Variants in NATD1 observed in about 807,000 individuals in gnomAD.
NATD1 encodes protein NATD1.
In NATD1, 9 loss-of-function variants were observed where a neutral mutation model predicts 12.0. The observed-to-expected ratio is 0.75, with a 90% CI of 0.45 to 1.30. The LOEUF (loss-of-function observed/expected upper bound fraction) is 1.30. Ranked by LOEUF, NATD1 falls within the 50% of genes most tolerant of loss-of-function variation. NATD1 has a pLI of 0.00. For synonymous variants in NATD1, 71 were observed against 65.9 expected, an observed-to-expected ratio of 1.08 and a Z score of -0.37; for missense variants, 148 against 148.5, an observed-to-expected ratio of 1.00 and a Z score of 0.02.
chr17:21,253,384 G>A lies in NATD1; in HGVS notation c.-120C>T, dbSNP rs1975398691. The A allele has an allele frequency of 1.4e-5, 3 of 209,288 alleles. No homozygotes were observed. 13.0% of individuals were successfully genotyped at this position (209,288 alleles called of 1,614,324 possible). ...AGGCGGTGGGGTAGTTACGGCCTGG[G>A]AGACCGCAGGCGGCGGCGCTGAAAG... is the stretch of plus-strand genomic sequence containing the variant. On this transcript the variant is annotated 5_prime_UTR_variant, in exon 1 of 3. Transcript: ENST00000611551.
rs1975247294 is a variant in NATD1, at chr17:21,239,633, T to C, written c.*3680A>G. The C allele has an allele frequency of 6.6e-6, 1 of 152,152 alleles. No homozygotes were observed. Among genetic ancestry groups the C allele is most frequent in the African/African-American group, 2.4e-5 (1 of 41,438 alleles). The allele number at this position is 152,152 out of a possible 1,614,324, so 9.4% of individuals were successfully genotyped here. On this transcript the variant is annotated 3_prime_UTR_variant, in exon 3 of 3. Transcript: ENST00000611551. ...GGTGAAACCCCGTCTCTACTAAAAATACAAAAATTAGCCAGGCATGGTGGT... is the reference window on the plus strand; with the variant it reads ...GGTGAAACCCCGTCTCTACTAAAAACACAAAAATTAGCCAGGCATGGTGGT...
chr17:21,249,402 G>A (rs1481094345), intron 1 of NATD1, among the ~76,000 whole-genome samples: 1 of 152,144 alleles, frequency 6.6e-6, no homozygotes, highest in Non-Finnish European at 1.5e-5. Flanking sequence ...AGGGAGCTGT[G>A]AGCCTGGAGA....
rs117666237 is a variant in NATD1 at position 21,240,566 on chromosome 17, C to T, written c.*2747G>A. On this transcript the variant is annotated 3_prime_UTR_variant, in exon 3 of 3. Coordinates refer to ENST00000611551, the MANE Select transcript of NATD1 (RefSeq NM_152914.3). Reference sequence around the variant, plus strand: ...GCCAGCTGGGTCCACACCCTGCCGCCGGCCCTGAGGAGGGAAGGCACGAGT... The same window carrying T: ...GCCAGCTGGGTCCACACCCTGCCGCTGGCCCTGAGGAGGGAAGGCACGAGT... The T allele has an allele frequency of 3.5e-3, 532 of 152,706 alleles. 2 individuals carry two copies. Among genetic ancestry groups the T allele is most frequent in the Middle Eastern group, 0.01 (3 of 294 alleles). The allele number at this position is 152,706 out of a possible 1,614,324, so 9.5% of individuals were successfully genotyped here.
rs189954621 is a variant in NATD1, at chr17:21,238,996, G to C, written c.*4317C>G. On this transcript the variant is annotated 3_prime_UTR_variant, in exon 3 of 3. Transcript: ENST00000611551. ...ACAAGTTGAAGTCACAGCCTTGCCG[G>C]AACTCTTATGTAAAGTTTAGGGCAT... 1.3e-5 allele frequency: 2 copies of C among 152,314 alleles called. No homozygotes were observed. Among genetic ancestry groups the C allele is most frequent in the African/African-American group, 4.8e-5 (2 of 41,554 alleles). 9.4% of individuals were successfully genotyped at this position (152,314 alleles called of 1,614,324 possible).
At chr17:21,248,967 T>C (rs1332351752) in intron 1 of NATD1, among the ~76,000 whole-genome samples, 1 of 152,000 alleles carries the variant, frequency 6.6e-6, no homozygotes, top group Non-Finnish European at 1.5e-5. Context: ...TGGGAAAAGT[T>C]AAAGCTACAC....
Position 21,244,237 on chromosome 17 carries a change from G to A in NATD1, c.107-13C>T, listed in dbSNP as rs1975306193. 1.2e-6 allele frequency: 2 copies of A among 1,608,480 alleles called. No individual in the cohort carries two copies. The highest frequency in any genetic ancestry group is 8.5e-7 in the Non-Finnish European group (1 of 1,177,134). Reference sequence around the variant, plus strand: ...CGGTCATGACATCCTGGGGGTTGTGGAGACAGGTAAGCCTATGCTGACTCC... The same window carrying A: ...CGGTCATGACATCCTGGGGGTTGTGAAGACAGGTAAGCCTATGCTGACTCC... On this transcript the variant is annotated splice_polypyrimidine_tract_variant and intron_variant, in intron 1 of 2. Coordinates refer to ENST00000611551, the MANE Select transcript of NATD1 (RefSeq NM_152914.3). This position sits in a 1 kb window ranked among gnomAD's most constrained non-coding sequence, Gnocchi z 5.2.
intron 1 of NATD1, among the ~76,000 whole-genome samples, chr17:21,252,161 T>C (rs1200093302): frequency 6.6e-6 from 1 of 152,090 alleles, no homozygotes; most frequent in African/African-American, 2.4e-5. Context: ...AAAAATTAGC[T>C]GGGCATGGTG....
At chr17:21,245,316 G>A (rs541081084) in intron 1 of NATD1, among the ~76,000 whole-genome samples, 2 of 152,250 alleles carry the variant, frequency 1.3e-5, no homozygotes, top group Admixed American at 6.5e-5. Flanking sequence ...TGAGCTGGGC[G>A]CCACTAGAAG....
rs1975255553 is a variant in NATD1, at chr17:21,240,291, ACGCAGGGTCT to A, written c.*3012_*3021del. ...GAGACCTCAGCCAAGCCCCAGTGAC[ACGCAGGGTCT>A]CGCTCTCCACGCTGAAGGCTGTGCT... On this transcript the variant is annotated 3_prime_UTR_variant, in exon 3 of 3. Coordinates refer to ENST00000611551, the MANE Select transcript of NATD1 (RefSeq NM_152914.3). 1 of 152,206 alleles carries A rather than the reference ACGCAGGGTCT, an allele frequency of 6.6e-6. No individual in the cohort carries two copies. The highest frequency in any genetic ancestry group is 1.5e-5 in the Non-Finnish European group (1 of 68,060). 9.4% of individuals were successfully genotyped at this position (152,206 alleles called of 1,614,324 possible).
Position 21,243,146 on chromosome 17 carries a change from A to G in NATD1, c.*167T>C. 1.7e-6 allele frequency: 1 copy of G among 582,946 alleles called. No individual in the cohort carries two copies. Among genetic ancestry groups the G allele is most frequent in the Non-Finnish European group, 3.0e-6 (1 of 329,584 alleles). 36.1% of individuals were successfully genotyped at this position (582,946 alleles called of 1,614,324 possible). On this transcript the variant is annotated 3_prime_UTR_variant, in exon 3 of 3. Transcript: ENST00000611551. ...CTCGGTTACCGGGTCACCGCCCATC[A>G]TTGGTCAGCTGCCTCCAGGGATCTG...
intron 1 of NATD1, among the ~76,000 whole-genome samples, chr17:21,252,764 G>T (rs1222224345): frequency 1.3e-5 from 2 of 152,132 alleles, no homozygotes; most frequent in Non-Finnish European, 2.9e-5. Context: ...CCTTCAGTGG[G>T]TGCCCAACAG....
At chr17:21,247,690 A>C (rs1018783256) in intron 1 of NATD1, among the ~76,000 whole-genome samples, 1 of 152,164 alleles carries the variant, frequency 6.6e-6, no homozygotes, top group Non-Finnish European at 1.5e-5. Flanking sequence ...CTCCCAAGTG[A>C]CAAGTCCTGC....
chr17:21,243,511 C>T (rs1975297944), intron 2 of NATD1, 82 bp from the exon 3 acceptor site: 6 of 1,096,030 alleles, frequency 5.5e-6, no homozygotes, highest in East Asian at 2.4e-5. Flanking sequence ...TCCCCAGGCC[C>T]GGCTCCCTGG....
At chr17:21,251,005 AC>A (rs1975370099) in intron 1 of NATD1, among the ~76,000 whole-genome samples, 1 of 151,246 alleles carries the variant, frequency 6.6e-6, no homozygotes, top group African/African-American at 2.4e-5. Flanking sequence ...GACTCAGACG[AC>A]CCCTCTCTGG....
At chr17:21,243,499 C>T (rs890570445) in intron 2 of NATD1, 70 bp from the exon 3 acceptor site, 133 of 1,246,304 alleles carry the variant, frequency 1.1e-4, no homozygotes, top group Middle Eastern at 4.0e-4. Flanking sequence ...TTGTCTGCTG[C>T]CTCCCCAGGC....
chr17:21,246,769 G>A (rs1011071544), intron 1 of NATD1, among the ~76,000 whole-genome samples: 9 of 152,172 alleles, frequency 5.9e-5, no homozygotes, highest in African/African-American at 2.2e-4. Flanking sequence ...GAGGAGGGGT[G>A]GGGAGGGGCA....
rs1975307035 is a variant in NATD1 at position 21,244,308 on chromosome 17, T to C, written c.107-84A>G. Reference sequence around the variant, plus strand: ...CCAAGACGGGTGGAGGGACAGGCATTTGGAGTCATTCAGCTGCTACAGCTG... The same window carrying C: ...CCAAGACGGGTGGAGGGACAGGCATCTGGAGTCATTCAGCTGCTACAGCTG... On this transcript the variant is annotated intron_variant, in intron 1 of 2. Coordinates refer to ENST00000611551, the MANE Select transcript of NATD1 (RefSeq NM_152914.3). The surrounding 1 kb of genome is among the most constrained non-coding windows in gnomAD (Gnocchi z 5.2). 7 of 1,183,324 alleles carry C rather than the reference T, an allele frequency of 5.9e-6. No individual in the cohort carries two copies. Among genetic ancestry groups the C allele is most frequent in the South Asian group, 1.5e-5 (1 of 68,784 alleles). The allele number at this position is 1,183,324 out of a possible 1,614,324, so 73.3% of individuals were successfully genotyped here.
intron 1 of NATD1, among the ~76,000 whole-genome samples, chr17:21,251,293 G>GAAAAAAAAAAAAAAAA (rs923554742): frequency 8.2e-5 from 7 of 85,368 alleles, no homozygotes; most frequent in Admixed American, 1.3e-4. Flanking sequence ...GAAAGAAAAA[G>GAAAAAAAAAAAAAAAA]AAAAAAAAAA....
chr17:21,249,338 G>A (rs568575639), intron 1 of NATD1, among the ~76,000 whole-genome samples: 1 of 152,324 alleles, frequency 6.6e-6, no homozygotes, highest in African/African-American at 2.4e-5. Flanking sequence ...TCTGTAAGTA[G>A]AGCCTGGATC....
Sources: allele counts gnomAD v4.1 joint callset (sites outside exome capture counted in the v4.1 genomes callset), GRCh38; gene constraint gnomAD v4.1.1; non-coding constraint Gnocchi (gnomAD v3.1); transcripts MANE v1.5; gene names NCBI Gene and HGNC (gene_info 2026-07-23, HGNC 2026-07-21).